KLF17: variants seen among roughly 807,000 people sequenced by gnomAD.
KLF17 encodes Krueppel-like factor 17.
Under a neutral mutation model 34.2 loss-of-function variants are expected in KLF17, and 31 were observed. That is an observed-to-expected ratio of 0.91 (90% confidence interval 0.68 to 1.22). The LOEUF is 1.22. Ranked by LOEUF, KLF17 falls within the 50% of genes most tolerant of loss-of-function variation. KLF17 has a pLI of 0.00. For synonymous variants in KLF17, 179 were observed against 186.7 expected, an observed-to-expected ratio of 0.96 and a Z score of 0.34; for missense variants, 478 against 505.2, an observed-to-expected ratio of 0.95 and a Z score of 0.52.
At chr1:44,104,901 A>C in the KLF17 span, 7 of 155,168 alleles carry the variant, frequency 4.5e-5, no homozygotes, top group Admixed American at 1.3e-4. Context: ...AAAAAAAAAA[A>C]CAAAACAAAA....
chr1:44,090,320 A>AAAAAAAG, the KLF17 span, among the ~76,000 whole-genome samples: 2 of 148,850 alleles, frequency 1.3e-5, no homozygotes, highest in African/African-American at 4.9e-5. Flanking sequence ...AAAAAAAAAA[A>AAAAAAAG]AAAAAAAAAA....
chr1:44,077,028 C>T, the KLF17 span, among the ~76,000 whole-genome samples: 2 of 150,814 alleles, frequency 1.3e-5, no homozygotes, highest in South Asian at 2.1e-4. Context: ...AGCCACTGCA[C>T]CCAGCCTTTT....
intron 1 of KLF17, among the ~76,000 whole-genome samples, chr1:44,126,307 G>C (rs1045077246): frequency 2.6e-5 from 4 of 152,164 alleles, no homozygotes; most frequent in Non-Finnish European, 5.9e-5. Context: ...TAACAGGCGT[G>C]AGCCACCGCA....
rs747987683 is a variant in KLF17 at position 44,129,593 on chromosome 1, C to T, written c.322C>T (p.Pro108Ser). The T allele has an allele frequency of 7.4e-6, 12 of 1,614,210 alleles. No homozygotes were observed. Among genetic ancestry groups the T allele is most frequent in the Non-Finnish European group, 1.0e-5 (12 of 1,180,042 alleles). Residue 108 changes from proline (P) to serine (S), a missense_variant, in exon 2 of 4, where the codon CCT becomes TCT. Coordinates refer to ENST00000372299, the MANE Select transcript of KLF17 (RefSeq NM_173484.4). ...CTACTGCCCCCAAGCGACTCTCACTCCTTCCCGGATGATTTACTGTCAGAG... is the reference window on the plus strand; with the variant it reads ...CTACTGCCCCCAAGCGACTCTCACTTCTTCCCGGATGATTTACTGTCAGAG... The part of the protein sequence containing the change: ...MSYCPQATLT[P>S]SRMIYCQRMS...
the KLF17 span, among the ~76,000 whole-genome samples, chr1:44,049,664 GT>G: frequency 1.3e-5 from 2 of 152,092 alleles, no homozygotes; most frequent in African/African-American, 4.8e-5. Flanking sequence ...TGTATTGTTT[GT>G]AGGGATGGGG....
At chr1:44,094,907 C>CT in the KLF17 span, among the ~76,000 whole-genome samples, 44,871 of 140,880 alleles carry the variant, frequency 0.32, 7,182 homozygotes, top group Middle Eastern at 0.34. Context: ...TTATTTATAT[C>CT]TTTTTTTTTT....
the KLF17 span, among the ~76,000 whole-genome samples, chr1:44,065,582 G>A: frequency 1.3e-5 from 2 of 151,628 alleles, no homozygotes; most frequent in African/African-American, 4.8e-5. Context: ...GCTAATTTTT[G>A]TATTTTTAGT....
the KLF17 span, among the ~76,000 whole-genome samples, chr1:44,074,484 C>T: frequency 6.6e-6 from 1 of 152,188 alleles, no homozygotes; most frequent in Admixed American, 6.5e-5. Flanking sequence ...CATACCTTCC[C>T]CATTCCAGTC....
chr1:44,111,708 A>G, the KLF17 span, among the ~76,000 whole-genome samples: 81 of 152,184 alleles, frequency 5.3e-4, no homozygotes, highest in African/African-American at 1.9e-3. Context: ...CCTGGCTTAC[A>G]CGGTGAAACC....
the KLF17 span, chr1:44,051,513 C>G: frequency 1.3e-5 from 2 of 152,154 alleles, no homozygotes; most frequent in African/African-American, 4.8e-5. Context: ...TTTGCCCACC[C>G]CCACCCCAAT....
At chr1:44,128,543 T>C (rs971781648) in intron 1 of KLF17, among the ~76,000 whole-genome samples, 3 of 152,166 alleles carry the variant, frequency 2.0e-5, no homozygotes, top group Non-Finnish European at 4.4e-5. Flanking sequence ...CAGTGCTTGA[T>C]CTCAGACCTG....
upstream of KLF17, chr1:44,114,007 G>A (rs1043903509): frequency 6.6e-6 from 1 of 152,366 alleles, no homozygotes; most frequent in African/African-American, 2.4e-5. Flanking sequence ...AGGATGGACT[G>A]TCAGGGGAGG....
At chr1:44,072,094 ATTTTG>A in the KLF17 span, among the ~76,000 whole-genome samples, 4 of 151,816 alleles carry the variant, frequency 2.6e-5, no homozygotes, top group Non-Finnish European at 5.9e-5. Flanking sequence ...TTCTGAACAT[ATTTTG>A]AAGGCGGATA....
At chr1:44,046,686 T>G in the KLF17 span, among the ~76,000 whole-genome samples, 1 of 152,116 alleles carries the variant, frequency 6.6e-6, no homozygotes, top group Non-Finnish European at 1.5e-5. Context: ...GGCTAGTAAA[T>G]AGCAAATCTA....
the KLF17 span, among the ~76,000 whole-genome samples, chr1:44,111,980 C>T: frequency 6.6e-6 from 1 of 152,174 alleles, no homozygotes; most frequent in African/African-American, 2.4e-5. Flanking sequence ...ACCAGTTTTT[C>T]CACTAATGTC....
chr1:44,086,426 A>G, the KLF17 span, among the ~76,000 whole-genome samples: 1 of 152,230 alleles, frequency 6.6e-6, no homozygotes, highest in Non-Finnish European at 1.5e-5. Context: ...AGATCGCGCC[A>G]TTGCGCTCCA....
chr1:44,131,581 C>T (rs952382195), intron 3 of KLF17, among the ~76,000 whole-genome samples: 2 of 152,192 alleles, frequency 1.3e-5, no homozygotes, highest in African/African-American at 4.8e-5. Flanking sequence ...CACTCACTGG[C>T]CATGTACCCA....
Position 44,129,371 on chromosome 1 carries a change from C to A in KLF17, c.100C>A (p.Pro34Thr). 1 of 1,515,184 alleles carries A rather than the reference C, an allele frequency of 6.6e-7. No homozygotes were observed. The highest frequency in any genetic ancestry group is 8.8e-7 in the Non-Finnish European group (1 of 1,132,118). 93.9% of individuals were successfully genotyped at this position (1,515,184 alleles called of 1,614,324 possible). Residue 34 changes from proline (P) to threonine (T), a missense_variant, in exon 2 of 4, where the codon CCC becomes ACC. Physicochemically the swap from Pro to Thr is conservative, Grantham distance 38. Coordinates refer to ENST00000372299, the MANE Select transcript of KLF17 (RefSeq NM_173484.4). ...CCCCAAGGATAACGAGAACTCAGCG[C>A]CCATCTTGAACATGTCTTCATCTTC... ...QAAQDNENSAPILNMSSSSGS... is the reference protein window; with the variant it reads ...QAAQDNENSATILNMSSSSGS...
At chr1:44,098,530 A>G in the KLF17 span, among the ~76,000 whole-genome samples, 1 of 140,954 alleles carries the variant, frequency 7.1e-6, no homozygotes, top group African/African-American at 2.6e-5. Context: ...GTATTTATTC[A>G]TGTATTTTAC....
Sources: allele counts gnomAD v4.1 joint callset (sites outside exome capture counted in the v4.1 genomes callset), GRCh38; gene constraint gnomAD v4.1.1; transcripts MANE v1.5; gene names NCBI Gene and HGNC (gene_info 2026-07-23, HGNC 2026-07-21).